The following GPC5 variants were observed in gnomAD, a reference collection of about 807,000 sequenced individuals.
GPC5 encodes glypican-5.
In GPC5, 47 loss-of-function variants were observed where a neutral mutation model predicts 53.9. The ratio of observed to expected loss-of-function variants is 0.87; its 90% CI spans 0.69 to 1.11. The LOEUF (loss-of-function observed/expected upper bound fraction) is 1.11, where lower values mean the gene tolerates loss of function less well. Ranked by LOEUF, GPC5 falls within the 50% of genes most tolerant of loss-of-function variation. The pLI is 0.00. For missense variants in GPC5, 748 were observed against 713.1 expected (o/e 1.05, Z -0.56); for synonymous variants, 286 against 263.3 (o/e 1.09, Z -0.84).
intron 7 of GPC5, among the ~76,000 whole-genome samples, chr13:92,304,827 A>G (rs2043100514): frequency 6.6e-6 from 1 of 152,140 alleles, no homozygotes; most frequent in African/African-American, 2.4e-5. Context: ...TTACCCACTG[A>G]TATTATGTTG....
At chr13:91,845,315 C>T (rs956242125) in intron 5 of GPC5, among the ~76,000 whole-genome samples, 58 of 151,428 alleles carry the variant, frequency 3.8e-4, no homozygotes, top group Non-Finnish European at 5.0e-4. Context: ...TTTTTTTAAT[C>T]GTTTAGTCTT....
At chr13:92,092,380 A>G (rs2041388083) in intron 6 of GPC5, among the ~76,000 whole-genome samples, 1 of 152,214 alleles carries the variant, frequency 6.6e-6, no homozygotes, top group South Asian at 2.1e-4. Context: ...CCAGATGCCT[A>G]TACTTCGACT....
intron 5 of GPC5, among the ~76,000 whole-genome samples, chr13:91,881,112 G>A (rs2039259814): frequency 6.6e-6 from 1 of 152,014 alleles, no homozygotes; most frequent in Admixed American, 6.6e-5. Flanking sequence ...TTTTTTAATA[G>A]GTTGTGGTGG....
At chr13:92,333,490 C>T (rs934333475) in intron 7 of GPC5, among the ~76,000 whole-genome samples, 1 of 151,976 alleles carries the variant, frequency 6.6e-6, no homozygotes, top group African/African-American at 2.4e-5. Context: ...AGGAAAATAC[C>T]AATCTTTGGC....
At chr13:92,074,185 G>A (rs559981144) in intron 6 of GPC5, among the ~76,000 whole-genome samples, 84 of 152,312 alleles carry the variant, frequency 5.5e-4, no homozygotes, top group South Asian at 1.0e-3. Flanking sequence ...AGATGGAGGA[G>A]AGAGCAAGAG....
intron 6 of GPC5, among the ~76,000 whole-genome samples, chr13:91,950,340 C>T (rs1283542229): frequency 2.1e-5 from 3 of 146,106 alleles, no homozygotes; most frequent in East Asian, 2.1e-4. Flanking sequence ...AAATTCTCTG[C>T]TCCCCTCCCT....
intron 7 of GPC5, among the ~76,000 whole-genome samples, chr13:92,382,133 A>G (rs2043753703): frequency 1.3e-5 from 2 of 151,668 alleles, no homozygotes; most frequent in East Asian, 3.9e-4. Context: ...ACCAAACATC[A>G]TATGTTCTCA....
chr13:92,152,662 C>G (rs2041915414), intron 7 of GPC5, among the ~76,000 whole-genome samples: 1 of 151,488 alleles, frequency 6.6e-6, no homozygotes, highest in African/African-American at 2.4e-5. Flanking sequence ...TGGTGTGAAC[C>G]CGGGAGGCCG....
At chr13:92,456,178 A>T (rs1340869426) in intron 7 of GPC5, among the ~76,000 whole-genome samples, 2 of 152,186 alleles carry the variant, frequency 1.3e-5, no homozygotes, top group Non-Finnish European at 2.9e-5. Flanking sequence ...TGACTGCCAC[A>T]TTCACTGTAG....
chr13:91,436,054 G>C (rs567691042), intron 1 of GPC5, among the ~76,000 whole-genome samples: 1 of 152,060 alleles, frequency 6.6e-6, no homozygotes, highest in African/African-American at 2.4e-5. Context: ...CATTTTTTAT[G>C]TGTCTGTTAG....
intron 7 of GPC5, among the ~76,000 whole-genome samples, chr13:92,464,125 A>C (rs1192982652): frequency 6.6e-6 from 1 of 152,174 alleles, no homozygotes; most frequent in Non-Finnish European, 1.5e-5. Flanking sequence ...AACTCAATCA[A>C]AGTTATACAA....
chr13:91,446,293 A>C (rs921488985), intron 1 of GPC5, among the ~76,000 whole-genome samples: 1 of 152,212 alleles, frequency 6.6e-6, no homozygotes, highest in African/African-American at 2.4e-5. Flanking sequence ...AAGACGTATT[A>C]ACCACTACTG....
At chr13:92,422,532 A>ACAC (rs1566583701) in intron 7 of GPC5, among the ~76,000 whole-genome samples, 5 of 131,086 alleles carry the variant, frequency 3.8e-5, no homozygotes, top group African/African-American at 1.1e-4. Flanking sequence ...ACACACACAC[A>ACAC]ACTTCTTGGA....
At chr13:92,437,853 T>C (rs920290790) in intron 7 of GPC5, among the ~76,000 whole-genome samples, 2 of 152,050 alleles carry the variant, frequency 1.3e-5, no homozygotes, top group African/African-American at 4.8e-5. Flanking sequence ...GATGAATCCT[T>C]CTCCTGCTGT....
chr13:91,950,293 T>G (rs1594682588), intron 6 of GPC5, among the ~76,000 whole-genome samples: 1 of 147,814 alleles, frequency 6.8e-6, no homozygotes, highest in Non-Finnish European at 1.5e-5. Context: ...TTTCATGAAT[T>G]AGCATCTTTA....
chr13:91,990,194 C>T (rs1447270495), intron 6 of GPC5, among the ~76,000 whole-genome samples: 1 of 152,150 alleles, frequency 6.6e-6, no homozygotes, highest in African/African-American at 2.4e-5. Context: ...ACCACAGGGA[C>T]TACAAGTTAA....
intron 7 of GPC5, among the ~76,000 whole-genome samples, chr13:92,813,074 T>A (rs1258859937): frequency 6.6e-6 from 1 of 151,948 alleles, no homozygotes; most frequent in African/African-American, 2.4e-5. Flanking sequence ...TTTCGAAGCT[T>A]ATTTACATAA....
At chr13:91,835,812 G>A (rs1175104096) in intron 5 of GPC5, among the ~76,000 whole-genome samples, 4 of 151,976 alleles carry the variant, frequency 2.6e-5, no homozygotes, top group Non-Finnish European at 2.9e-5. Context: ...GCAGCAAACC[G>A]TCATGGCACG....
intron 7 of GPC5, among the ~76,000 whole-genome samples, chr13:92,507,295 T>A (rs1566620143): frequency 6.6e-6 from 1 of 152,218 alleles, no homozygotes; most frequent in African/African-American, 2.4e-5. Flanking sequence ...TCTCATCTAT[T>A]TACATTTTTA....
Sources: allele counts gnomAD v4.1 joint callset (sites outside exome capture counted in the v4.1 genomes callset), GRCh38; gene constraint gnomAD v4.1.1; transcripts MANE v1.5; gene names NCBI Gene and HGNC (gene_info 2026-07-23, HGNC 2026-07-21).